Variants in PCDHGA9 observed in about 807,000 individuals in gnomAD.
PCDHGA9 encodes the protein protocadherin gamma subfamily A, 9, also known as protocadherin gamma-A9.
PCDHGA9 carries 37 observed loss-of-function variants against 62.5 expected under a neutral mutation model. That is an observed-to-expected ratio of 0.59 (90% CI 0.46 to 0.78). The LOEUF (loss-of-function observed/expected upper bound fraction) is 0.78. PCDHGA9 is among the 30% of genes least tolerant of loss of function. PCDHGA9 has a pLI of 0.00. For missense variants in PCDHGA9, 1,138 were observed against 1,166.2 expected, an observed-to-expected ratio of 0.98 and a Z score of 0.35; for synonymous variants, 459 against 484.6, an observed-to-expected ratio of 0.95 and a Z score of 0.69.
intron 2 of PCDHGA9, among the ~76,000 whole-genome samples, chr5:141,498,543 C>T (rs2099784198): frequency 6.6e-6 from 1 of 151,870 alleles, no homozygotes; most frequent in South Asian, 2.1e-4. Flanking sequence ...CTGGTCTGGT[C>T]AGACACACCA....
Position 141,491,874 on chromosome 5 carries a change from T to G in PCDHGA9, c.2425-2933T>G, listed in dbSNP as rs1160702024. On this transcript the variant is annotated intron_variant, in intron 1 of 3. Coordinates refer to ENST00000573521, the MANE Select transcript of PCDHGA9 (RefSeq NM_018921.3). The surrounding 1 kb of genome is among the most constrained non-coding windows in gnomAD (Gnocchi z 6.9). ...GTTTGCGCGAAACCAGAGTGGCCGA[T>G]TAAGGGATGGGGCTCCGAGCACCGG... 15 of 1,451,168 alleles carry G rather than the reference T, an allele frequency of 1.0e-5. No homozygotes were observed. The highest frequency in any genetic ancestry group is 1.4e-5 in the Non-Finnish European group (15 of 1,098,162). 89.9% of individuals were successfully genotyped at this position (1,451,168 alleles called of 1,614,324 possible). A position where few individuals can be genotyped will look rare whatever the true frequency, so the allele number is the denominator to read the frequency against.
chr5:141,511,713 C>T lies in PCDHGA9; in HGVS notation c.*540C>T. 5.4e-6 allele frequency: 1 copy of T among 186,446 alleles called. No individual in the cohort carries two copies. Among genetic ancestry groups the T allele is most frequent in the Admixed American group, 5.3e-5 (1 of 18,840 alleles). The allele number at this position is 186,446 out of a possible 1,614,324, so 11.5% of individuals were successfully genotyped here. ...TTGGTGCCAGCCCCTTCACCTCCTT[C>T]CAGAGCCCAAGATCAATGCTCAAGT... On this transcript the variant is annotated 3_prime_UTR_variant, in exon 4 of 4. Transcript: ENST00000573521.
intron 1 of PCDHGA9, chr5:141,407,996 T>G: frequency 1.1e-6 from 1 of 872,310 alleles, no homozygotes; most frequent in Middle Eastern, 3.6e-4. Flanking sequence ...GCCTCTGGCC[T>G]GGGATTCCCT....
Position 141,485,011 on chromosome 5 carries a change from C to G in PCDHGA9, c.2425-9796C>G, listed in dbSNP as rs2099605048. 3.2e-6 allele frequency: 2 copies of G among 631,064 alleles called. No homozygotes were observed. The highest frequency in any genetic ancestry group is 5.5e-5 in the East Asian group (2 of 36,662). The allele number at this position is 631,064 out of a possible 1,614,324, so 39.1% of individuals were successfully genotyped here. A position where few individuals can be genotyped will look rare whatever the true frequency, so the allele number is the denominator to read the frequency against. Reference sequence around the variant, plus strand: ...TGGTGAAAGGCAGACAAATCTACCCCGCCACCAGCAAAAACGGCGCGTAAC... The same window carrying G: ...TGGTGAAAGGCAGACAAATCTACCCGGCCACCAGCAAAAACGGCGCGTAAC... On this transcript the variant is annotated intron_variant, in intron 1 of 3. Coordinates refer to ENST00000573521, the MANE Select transcript of PCDHGA9 (RefSeq NM_018921.3). This position sits in a 1 kb window ranked among gnomAD's most constrained non-coding sequence, Gnocchi z 5.7.
At chr5:141,414,242 T>TA in intron 1 of PCDHGA9, 2 of 1,613,538 alleles carry the variant, frequency 1.2e-6, no homozygotes, top group Non-Finnish European at 1.7e-6. Context: ...ATCACGTCTC[T>TA]ATTTAGTCCA....
chr5:141,436,638 A>G (rs2097838155), intron 1 of PCDHGA9, among the ~76,000 whole-genome samples: 1 of 152,194 alleles, frequency 6.6e-6, no homozygotes, highest in Non-Finnish European at 1.5e-5. Flanking sequence ...ACATGCAATT[A>G]ATTAACAGTA....
intron 1 of PCDHGA9, among the ~76,000 whole-genome samples, chr5:141,483,834 A>G (rs2154580001): frequency 6.6e-6 from 1 of 152,212 alleles, no homozygotes; most frequent in South Asian, 2.1e-4. Flanking sequence ...CTAGGTAAGG[A>G]CTTGGTTGAA....
chr5:141,440,959 G>A (rs1313315196), intron 1 of PCDHGA9: 1 of 152,216 alleles, frequency 6.6e-6, no homozygotes, highest in Non-Finnish European at 1.5e-5. Flanking sequence ...TCAAGGCAGA[G>A]ATCACATATG....
chr5:141,403,401 C>T lies in PCDHGA9; in HGVS notation c.449C>T (p.Ala150Val), dbSNP rs746777998. 1 of 1,614,052 alleles carries T rather than the reference C, an allele frequency of 6.2e-7. No individual in the cohort carries two copies. The highest frequency in any genetic ancestry group is 1.1e-5 in the South Asian group (1 of 91,090). The stretch of plus-strand genomic sequence containing the variant: ...ATTAACGAAATCGCGGTTCCTGGAG[C>T]ACGTTATCCACTTCCAGAAGCTATT... Reference protein sequence around the residue: ...VKINEIAVPGARYPLPEAIDP... With the variant: ...VKINEIAVPGVRYPLPEAIDP... The change falls in exon 1 of 4, where the codon GCA (alanine) becomes GTA (valine). Residue 150 changes from alanine (A) to valine (V), a missense_variant. Ala to Val is a moderately conservative substitution (Grantham distance 64). Transcript: ENST00000573521.
chr5:141,408,773 T>C, intron 1 of PCDHGA9: 1 of 1,611,652 alleles, frequency 6.2e-7, no homozygotes, highest in Non-Finnish European at 8.5e-7. Flanking sequence ...TGGTGGCAAA[T>C]ACCCAGAGTT....
chr5:141,498,827 G>C (rs2099786072), intron 2 of PCDHGA9, among the ~76,000 whole-genome samples: 1 of 152,102 alleles, frequency 6.6e-6, no homozygotes, highest in Non-Finnish European at 1.5e-5. Context: ...CAGCTACTCA[G>C]GAGGCTGAGG....
chr5:141,422,485 A>G, intron 1 of PCDHGA9: 2 of 1,613,980 alleles, frequency 1.2e-6, no homozygotes, highest in Non-Finnish European at 1.7e-6. Context: ...CCAGAGCTAC[A>G]ATATAACGTT....
chr5:141,485,124 C>T lies in PCDHGA9; in HGVS notation c.2425-9683C>T. The T allele has an allele frequency of 7.2e-7, 1 of 1,390,146 alleles. No individual in the cohort carries two copies. The highest frequency in any genetic ancestry group is 1.0e-6 in the Non-Finnish European group (1 of 990,090). The allele number at this position is 1,390,146 out of a possible 1,614,324, so 86.1% of individuals were successfully genotyped here. ...GCTGCTGTGGCTGTTTGGGGCGGGT[C>T]GGCTTCATCCGCGTCTCAGGAGCAA... On this transcript the variant is annotated intron_variant, in intron 1 of 3. Coordinates refer to ENST00000573521, the MANE Select transcript of PCDHGA9 (RefSeq NM_018921.3). The surrounding 1 kb of genome is among the most constrained non-coding windows in gnomAD (Gnocchi z 5.7).
intron 1 of PCDHGA9, chr5:141,428,113 T>A: frequency 6.2e-7 from 1 of 1,607,492 alleles, no homozygotes; most frequent in Non-Finnish European, 8.5e-7. Flanking sequence ...CTGCAGGCCA[T>A]CGAGCCCGGG....
chr5:141,448,145 A>G (rs2098568457), intron 1 of PCDHGA9, among the ~76,000 whole-genome samples: 1 of 151,716 alleles, frequency 6.6e-6, no homozygotes, highest in South Asian at 2.1e-4. Flanking sequence ...TATACCTCAG[A>G]CTCACCCCTG....
chr5:141,422,543 T>C lies in PCDHGA9; in HGVS notation c.2424+17167T>C, dbSNP rs2096655736. 1 of 1,613,882 alleles carries C rather than the reference T, an allele frequency of 6.2e-7. No homozygotes were observed. Among genetic ancestry groups the C allele is most frequent in the African/African-American group, 1.3e-5 (1 of 74,928 alleles). Reference sequence around the variant, plus strand: ...CCGCCTTTGTCTGCAGAAACTCATGTCTGGCTGAATGTGGCAGATGACAAC... The same window carrying C: ...CCGCCTTTGTCTGCAGAAACTCATGCCTGGCTGAATGTGGCAGATGACAAC... On this transcript the variant is annotated intron_variant, in intron 1 of 3. Coordinates refer to ENST00000573521, the MANE Select transcript of PCDHGA9 (RefSeq NM_018921.3).
intron 1 of PCDHGA9, chr5:141,423,684 T>G (rs201506477): frequency 6.6e-7 from 1 of 1,524,756 alleles, no homozygotes; most frequent in Non-Finnish European, 8.8e-7. Context: ...CTCTGCCTCC[T>G]AATTGTTGGT....
chr5:141,485,745 T>C lies in PCDHGA9; in HGVS notation c.2425-9062T>C. 3 of 1,614,146 alleles carry C rather than the reference T, an allele frequency of 1.9e-6. No individual in the cohort carries two copies. Among genetic ancestry groups the C allele is most frequent in the Non-Finnish European group, 2.5e-6 (3 of 1,179,986 alleles). ...AAGAAGCGCAGCGACGGCAGCCTGGTCCCAGAGCTGCTCCTGGAGAAGCCT... is the reference window on the plus strand; with the variant it reads ...AAGAAGCGCAGCGACGGCAGCCTGGCCCCAGAGCTGCTCCTGGAGAAGCCT... On this transcript the variant is annotated intron_variant, in intron 1 of 3. Transcript: ENST00000573521. This position sits in a 1 kb window ranked among gnomAD's most constrained non-coding sequence, Gnocchi z 5.7.
intron 1 of PCDHGA9, chr5:141,409,997 G>C: frequency 1.2e-6 from 2 of 1,613,224 alleles, no homozygotes; most frequent in South Asian, 2.2e-5. Context: ...CGCCGACTCG[G>C]GACACAACGC....
Sources: gnomAD v4.1 joint callset for allele counts (sites outside exome capture counted in the v4.1 genomes callset) on GRCh38, gnomAD v4.1.1 for gene constraint, Gnocchi (gnomAD v3.1) non-coding constraint, MANE v1.5 for transcripts, NCBI Gene and HGNC (gene_info 2026-07-23, HGNC 2026-07-21) for gene names.